Variants in BLTP2 observed in about 807,000 individuals in gnomAD.
The protein encoded by BLTP2 is U937-associated antigen.
the BLTP2 span, chr17:28,635,458 C>T: frequency 2.5e-6 from 4 of 1,614,038 alleles, no homozygotes; most frequent in Admixed American, 6.7e-5. Context: ...AGAAGTAGTT[C>T]CTGAAGTCTC....
the BLTP2 span, chr17:28,637,784 G>A: frequency 1.9e-6 from 3 of 1,561,400 alleles, no homozygotes; most frequent in African/African-American, 1.3e-5. Context: ...TGATTCTCCT[G>A]CCTCAGTCTC....
At chr17:28,627,241 T>G in the BLTP2 span, among the ~76,000 whole-genome samples, 1 of 152,128 alleles carries the variant, frequency 6.6e-6, no homozygotes, top group Admixed American at 6.5e-5. Context: ...GCACTAGGCT[T>G]TCAAACTCCA....
chr17:28,636,372 T>A, the BLTP2 span, among the ~76,000 whole-genome samples: 1 of 152,214 alleles, frequency 6.6e-6, no homozygotes, highest in Admixed American at 6.5e-5. Context: ...AGTGCCTCTA[T>A]CTTCTGACTC....
chr17:28,628,658 G>C, the BLTP2 span: 1 of 992,920 alleles, frequency 1.0e-6, no homozygotes, highest in Non-Finnish European at 1.5e-6. Flanking sequence ...CTGTTGGCCA[G>C]ATGCCATGGC....
the BLTP2 span, among the ~76,000 whole-genome samples, chr17:28,636,285 A>C: frequency 4.6e-5 from 7 of 152,192 alleles, no homozygotes; most frequent in East Asian, 1.3e-3. Context: ...CTAACGCCCC[A>C]CCCTCCTCCT....
chr17:28,615,358 G>A, the BLTP2 span: 3 of 925,288 alleles, frequency 3.2e-6, no homozygotes, highest in South Asian at 3.5e-5. Flanking sequence ...GGCACAATGG[G>A]GCAATTCACA....
chr17:28,624,707 C>A, the BLTP2 span, among the ~76,000 whole-genome samples: 3 of 152,032 alleles, frequency 2.0e-5, no homozygotes, highest in South Asian at 6.2e-4. Context: ...TTTTTCATTT[C>A]ATATTATTTT....
chr17:28,636,924 G>T, the BLTP2 span: 1 of 1,551,794 alleles, frequency 6.4e-7, no homozygotes, highest in Non-Finnish European at 8.9e-7. Context: ...CTAAGCTGAG[G>T]AAAAAACCAG....
chr17:28,644,970 C>T, the BLTP2 span: 1 of 1,562,926 alleles, frequency 6.4e-7, no homozygotes, highest in African/African-American at 1.4e-5. Context: ...CCGCCGCCGG[C>T]GCGGCCGGGA....
the BLTP2 span, chr17:28,637,999 A>C: frequency 6.2e-7 from 1 of 1,614,252 alleles, no homozygotes; most frequent in South Asian, 1.1e-5. Context: ...GGGCACAGGT[A>C]TCTGATGCTT....
chr17:28,635,065 G>A, the BLTP2 span: 1 of 1,613,504 alleles, frequency 6.2e-7, no homozygotes, highest in Non-Finnish European at 8.5e-7. Flanking sequence ...AACTCCCACA[G>A]CCTCATCTAG....
At chr17:28,645,047 A>G in the BLTP2 span, 2 of 1,600,884 alleles carry the variant, frequency 1.2e-6, no homozygotes, top group Non-Finnish European at 8.5e-7. Context: ...GCGGAGAAGA[A>G]CAGAGGCATT....
the BLTP2 span, chr17:28,638,192 T>G: frequency 3.1e-6 from 5 of 1,599,340 alleles, no homozygotes; most frequent in Non-Finnish European, 3.4e-6. Flanking sequence ...CTCAGCGCTC[T>G]GACGCATGAC....
At chr17:28,620,013 TTCCTAAAGGA>T in the BLTP2 span, 1 of 1,609,214 alleles carries the variant, frequency 6.2e-7, no homozygotes, top group East Asian at 2.2e-5. Flanking sequence ...TCTCACTATG[TTCCTAAAGGA>T]ATGGAAAGGG....
chr17:28,619,696 G>A, the BLTP2 span: 1 of 1,613,918 alleles, frequency 6.2e-7, no homozygotes, highest in Non-Finnish European at 8.5e-7. Context: ...CTGCAGGTTG[G>A]CCTTCTCCTG....
chr17:28,622,108 G>C, the BLTP2 span, among the ~76,000 whole-genome samples: 6 of 152,162 alleles, frequency 3.9e-5, no homozygotes, highest in Non-Finnish European at 5.9e-5. Context: ...CGGGGGGAAA[G>C]AGTTCACCCA....
At chr17:28,625,741 C>T in the BLTP2 span, among the ~76,000 whole-genome samples, 1 of 152,154 alleles carries the variant, frequency 6.6e-6, no homozygotes, top group Admixed American at 6.5e-5. Flanking sequence ...TTCCCACTGC[C>T]TCTACCTAGT....
the BLTP2 span, chr17:28,628,346 C>T: frequency 6.2e-7 from 1 of 1,614,164 alleles, no homozygotes; most frequent in Non-Finnish European, 8.5e-7. Flanking sequence ...GTTGGGACAC[C>T]CCGCTTTGGC....
At chr17:28,639,447 T>A in the BLTP2 span, 1 of 1,611,874 alleles carries the variant, frequency 6.2e-7, no homozygotes, top group Non-Finnish European at 8.5e-7. Flanking sequence ...GGCTGAGAGG[T>A]CAATGGTGGT....
Sources: allele counts gnomAD v4.1 joint callset (sites outside exome capture counted in the v4.1 genomes callset), GRCh38; gene constraint gnomAD v4.1.1; transcripts MANE v1.5; gene names NCBI Gene and HGNC (gene_info 2026-07-23, HGNC 2026-07-21).